Variants in CPLX1 observed in about 807,000 individuals in gnomAD.
The protein encoded by CPLX1 is complexin-1.
Under a neutral mutation model 15.6 loss-of-function variants are expected in CPLX1, and 6 were observed. The observed-to-expected ratio is 0.39, with a 90% CI of 0.21 to 0.76. The LOEUF is 0.76. CPLX1 is among the 30% of genes least tolerant of loss of function. CPLX1 has a pLI of 0.43. For synonymous variants in CPLX1, 91 were observed against 75.2 expected (o/e 1.21, Z -1.08); for missense variants, 242 against 188.6 (o/e 1.28, Z -1.66).
intron 2 of CPLX1, among the ~76,000 whole-genome samples, chr4:823,719 G>A (rs889235540): frequency 2.6e-5 from 4 of 152,230 alleles, no homozygotes; most frequent in Non-Finnish European, 5.9e-5. Flanking sequence ...GTACCAGCAT[G>A]GCCCAGGCCC....
intron 3 of CPLX1, chr4:788,111 G>T (rs551540842): frequency 1.0e-6 from 1 of 985,392 alleles, no homozygotes; most frequent in Admixed American, 6.1e-5. Flanking sequence ...ACAGGGAGGG[G>T]CCTTTCTGCC....
chr4:802,202 T>TA (rs1746472722), intron 2 of CPLX1, among the ~76,000 whole-genome samples: 1 of 152,210 alleles, frequency 6.6e-6, no homozygotes, highest in South Asian at 2.1e-4. Flanking sequence ...TCCACACAGG[T>TA]AGCATCACTT....
Position 786,237 on chromosome 4 carries a change from G to C in CPLX1, c.*264C>G. 1 of 310,888 alleles carries C rather than the reference G, an allele frequency of 3.2e-6. No homozygotes were observed. 19.3% of individuals were successfully genotyped at this position (310,888 alleles called of 1,614,324 possible). A position where few individuals can be genotyped will look rare whatever the true frequency, so the allele number is the denominator to read the frequency against. On this transcript the variant is annotated 3_prime_UTR_variant, in exon 4 of 4. Coordinates refer to ENST00000304062, the MANE Select transcript of CPLX1 (RefSeq NM_006651.4). The stretch of plus-strand genomic sequence containing the variant: ...CCCTGGCCTCGGGCGCTGCTGGGTG[G>C]GCGGTAAACAGCAAGAGAAAGGGGC...
chr4:789,075 G>A (rs935082700), intron 3 of CPLX1, among the ~76,000 whole-genome samples: 8 of 152,242 alleles, frequency 5.3e-5, no homozygotes, highest in Non-Finnish European at 1.2e-4. Flanking sequence ...AGTTGCTGCA[G>A]TGAGGCTCCA....
intron 2 of CPLX1, among the ~76,000 whole-genome samples, chr4:800,203 T>C (rs1404217562): frequency 6.6e-6 from 1 of 152,230 alleles, no homozygotes; most frequent in Non-Finnish European, 1.5e-5. Flanking sequence ...AGACATCTTC[T>C]GTGTTGATTA....
intron 2 of CPLX1, among the ~76,000 whole-genome samples, chr4:810,821 C>T (rs929624231): frequency 2.0e-5 from 3 of 151,776 alleles, no homozygotes; most frequent in South Asian, 4.2e-4. Flanking sequence ...CCCAGCCTCC[C>T]GAGTAGCTGG....
intron 3 of CPLX1, among the ~76,000 whole-genome samples, chr4:790,909 C>T (rs934830845): frequency 1.3e-5 from 2 of 149,506 alleles, no homozygotes; most frequent in Non-Finnish European, 3.0e-5. Context: ...CTCTTTGTCT[C>T]TCTCCCCTCT....
chr4:786,820 A>G, intron 3 of CPLX1, 122 bp from the exon 4 acceptor site: 2 of 1,411,350 alleles, frequency 1.4e-6, no homozygotes, highest in East Asian at 2.7e-5. Flanking sequence ...CTACCCCACC[A>G]GGCACACAAG....
chr4:800,939 C>T (rs1746444522), intron 2 of CPLX1, among the ~76,000 whole-genome samples: 2 of 151,504 alleles, frequency 1.3e-5, no homozygotes, highest in South Asian at 4.2e-4. Context: ...ATTATTTGAA[C>T]CCTGGAGGTG....
At chr4:791,174 G>C (rs914708456) in intron 3 of CPLX1, among the ~76,000 whole-genome samples, 1 of 148,496 alleles carries the variant, frequency 6.7e-6, no homozygotes, top group Non-Finnish European at 1.5e-5. Flanking sequence ...GGTCAGCTGC[G>C]GGGCGGGGGG....
chr4:809,681 T>C (rs985627276), intron 2 of CPLX1, among the ~76,000 whole-genome samples: 15 of 152,342 alleles, frequency 9.8e-5, no homozygotes, highest in Middle Eastern at 3.4e-3. Flanking sequence ...CGCATGTATA[T>C]GTGTATGAAG....
Position 792,595 on chromosome 4 carries a change from G to T in CPLX1, c.45C>A (p.Asp15Glu). 6.2e-7 allele frequency: 1 copy of T among 1,611,994 alleles called. No homozygotes were observed. Among genetic ancestry groups the T allele is most frequent in the Non-Finnish European group, 8.5e-7 (1 of 1,179,096 alleles). ...CGTCACCCCCCAGCATCTTCCCCAT[G>T]TCCTTGGTGGCCCCTGGTACAGAAG... ...MKQALGGATK[D>E]MGKMLGGDEE... The change falls in exon 3 of 4, where the codon GAC (aspartate) becomes GAA (glutamate). Residue 15 changes from aspartate (D) to glutamate (E), a missense_variant. By Grantham distance (45) the Asp-to-Glu change is conservative (BLOSUM62 2). Transcript: ENST00000304062.
chr4:824,096 C>A (rs548393892), intron 2 of CPLX1, among the ~76,000 whole-genome samples: 1 of 152,378 alleles, frequency 6.6e-6, no homozygotes, highest in Admixed American at 6.5e-5. Flanking sequence ...GCTTGGCTCT[C>A]CTCATCTGGA....
intron 2 of CPLX1, among the ~76,000 whole-genome samples, chr4:793,190 A>G (rs1376981255): frequency 1.3e-5 from 2 of 152,248 alleles, no homozygotes; most frequent in African/African-American, 4.8e-5. Flanking sequence ...CGGTTCAGCC[A>G]TCTATGCAGG....
intron 2 of CPLX1, among the ~76,000 whole-genome samples, chr4:798,476 A>G (rs1322227440): frequency 1.3e-5 from 2 of 152,308 alleles, no homozygotes; most frequent in East Asian, 1.9e-4. Context: ...CAGAGGCTCA[A>G]TCATAGCTCA....
intron 2 of CPLX1, among the ~76,000 whole-genome samples, chr4:802,540 C>G (rs1265049218): frequency 1.3e-5 from 2 of 152,184 alleles, no homozygotes; most frequent in African/African-American, 4.8e-5. Context: ...ATAATCTAAT[C>G]AAGTTACAAA....
intron 2 of CPLX1, among the ~76,000 whole-genome samples, chr4:822,565 GTTTCTGGGTTCGCCTTTCTTTGAACGGC>G (rs1746893042): frequency 6.6e-6 from 1 of 152,080 alleles, no homozygotes; most frequent in South Asian, 2.1e-4. Context: ...CCCCGACCCT[GTTTCTGGGTTCGCCTTTCTTTGAACGGC>G]TTCCTGGGTG....
At chr4:821,419 G>A (rs917051416) in intron 2 of CPLX1, among the ~76,000 whole-genome samples, 3 of 152,102 alleles carry the variant, frequency 2.0e-5, no homozygotes, top group Admixed American at 6.5e-5. Context: ...GCCCCGGCCC[G>A]CCTGCCCCAC....
At chr4:825,900 C>CGGCGGGAGAA (rs1746975736) in intron 1 of CPLX1, 146 bp downstream of exon 1, 1 of 10,390 alleles carries the variant, frequency 9.6e-5, no homozygotes, top group Non-Finnish European at 1.9e-4. Flanking sequence ...AAGCCGGGGC[C>CGGCGGGAGAA]GCGGGGAGAA....
Sources: gnomAD v4.1 joint callset for allele counts (sites outside exome capture counted in the v4.1 genomes callset) on GRCh38, gnomAD v4.1.1 for gene constraint, MANE v1.5 for transcripts, NCBI Gene and HGNC (gene_info 2026-07-23, HGNC 2026-07-21) for gene names.